Variants in ARHGAP42 observed in about 807,000 individuals in gnomAD.
The protein encoded by ARHGAP42 is rho GTPase-activating protein 42.
Under a neutral mutation model 125.0 loss-of-function variants are expected in ARHGAP42, and 63 were observed. The ratio of observed to expected loss-of-function variants is 0.50; its 90% CI spans 0.41 to 0.62. ARHGAP42 has a LOEUF of 0.62. Ranked by LOEUF, ARHGAP42 falls within the 20% of genes least tolerant of loss-of-function variation. ARHGAP42 has a pLI of 0.00. For missense variants in ARHGAP42, 766 were observed against 1,024.2 expected, an observed-to-expected ratio of 0.75 and a Z score of 3.44; for synonymous variants, 339 against 351.0, an observed-to-expected ratio of 0.97 and a Z score of 0.38.
At chr11:100,766,216 A>T (rs2134981950) in intron 1 of ARHGAP42, among the ~76,000 whole-genome samples, 1 of 121,946 alleles carries the variant, frequency 8.2e-6, no homozygotes, top group East Asian at 2.2e-4. Context: ...AATGGGAAGG[A>T]TGTGGGGTGT....
At chr11:100,744,938 C>T (rs758925811) in intron 1 of ARHGAP42, among the ~76,000 whole-genome samples, 16 of 152,136 alleles carry the variant, frequency 1.1e-4, no homozygotes, top group Non-Finnish European at 2.2e-4. Flanking sequence ...TTATTCCTGG[C>T]GCACGTGGCC....
At chr11:100,755,554 T>A (rs559530981) in intron 1 of ARHGAP42, among the ~76,000 whole-genome samples, 4 of 152,358 alleles carry the variant, frequency 2.6e-5, no homozygotes, top group Non-Finnish European at 5.9e-5. Flanking sequence ...TTCCACTGAT[T>A]GAGCATTTCT....
At chr11:100,971,457 C>T (rs1032666178) in intron 17 of ARHGAP42, among the ~76,000 whole-genome samples, 3 of 152,056 alleles carry the variant, frequency 2.0e-5, no homozygotes, top group Admixed American at 6.6e-5. Context: ...TATCAGCTCC[C>T]TACATGAATT....
intron 3 of ARHGAP42, among the ~76,000 whole-genome samples, chr11:100,802,687 C>T (rs1863887769): frequency 6.6e-6 from 1 of 152,166 alleles, no homozygotes; most frequent in South Asian, 2.1e-4. Context: ...CTCGGTCTCC[C>T]AAAGTGCCGG....
At position 100,837,666 on chromosome 11, in the gene ARHGAP42, C is replaced by CTTTTTTTTTTTTTTTTTTTTTT. The variant is rs373059302; in HGVS notation, c.313-21878_313-21857dup. Among the ~76,000 whole-genome samples the CTTTTTTTTTTTTTTTTTTTTTT allele has an allele frequency of 5.2e-4, 32 of 61,024 alleles. 2 individuals are homozygous for CTTTTTTTTTTTTTTTTTTTTTT. Among genetic ancestry groups the CTTTTTTTTTTTTTTTTTTTTTT allele is most frequent in the Middle Eastern group, 8.9e-3 (1 of 112 alleles). The allele number at this position is 61,024 out of a possible 152,430, so 40.0% of individuals were successfully genotyped here. A position where few individuals can be genotyped will look rare whatever the true frequency, so the allele number is the denominator to read the frequency against. On this transcript the variant is annotated intron_variant, in intron 3 of 23. Transcript: ENST00000298815. ...CAGTTCCCAGAATCTAGGTGTCATC[C>CTTTTTTTTTTTTTTTTTTTTTT]TTTTTTTTTTTTTTTTTTTTTTTTT...
intron 19 of ARHGAP42, 94 bp from the exon 20 acceptor site, chr11:100,975,963 A>T (rs748425993): frequency 9.4e-6 from 13 of 1,378,914 alleles, no homozygotes; most frequent in Admixed American, 8.6e-5. Context: ...TGGCCGCAGA[A>T]CACATGGTAA....
At chr11:100,901,538 G>T (rs1012015106) in intron 4 of ARHGAP42, among the ~76,000 whole-genome samples, 7 of 152,218 alleles carry the variant, frequency 4.6e-5, no homozygotes, top group African/African-American at 1.7e-4. Flanking sequence ...TATGGAGGCA[G>T]TAGACCTTGG....
At chr11:100,808,501 G>C (rs1864057350) in intron 3 of ARHGAP42, among the ~76,000 whole-genome samples, 2 of 150,750 alleles carry the variant, frequency 1.3e-5, no homozygotes, top group South Asian at 4.2e-4. Context: ...CGCTTCCCGG[G>C]TTCACGCCAT....
At chr11:100,751,705 A>G (rs896571643) in intron 1 of ARHGAP42, among the ~76,000 whole-genome samples, 4 of 149,996 alleles carry the variant, frequency 2.7e-5, no homozygotes, top group African/African-American at 9.8e-5. Context: ...CCAGGCCAGC[A>G]GGGAAGTGAT....
At chr11:100,740,551 A>G (rs1862162905) in intron 1 of ARHGAP42, among the ~76,000 whole-genome samples, 1 of 152,246 alleles carries the variant, frequency 6.6e-6, no homozygotes, top group South Asian at 2.1e-4. Context: ...CATTCATGCC[A>G]TGAACATTAG....
chr11:100,950,356 GTATT>G (rs200347941), intron 12 of ARHGAP42, among the ~76,000 whole-genome samples: 13,448 of 147,196 alleles, frequency 0.091, 889 homozygotes, highest in Non-Finnish European at 0.13. Flanking sequence ...TATAAATACT[GTATT>G]TATTTATCTA....
chr11:100,808,469 A>C (rs1864055907), intron 3 of ARHGAP42, among the ~76,000 whole-genome samples: 1 of 142,628 alleles, frequency 7.0e-6, no homozygotes, highest in African/African-American at 2.7e-5. Flanking sequence ...GCAGTGGCGC[A>C]ATCTCGGCTC....
intron 2 of ARHGAP42, among the ~76,000 whole-genome samples, chr11:100,779,461 A>ATATAT (rs1215941883): frequency 7.5e-5 from 6 of 80,446 alleles, no homozygotes; most frequent in South Asian, 5.5e-4. Flanking sequence ...AAAAAAAAAA[A>ATATAT]AAAAAAATAT....
At chr11:100,725,082 G>A (rs916559197) in intron 1 of ARHGAP42, among the ~76,000 whole-genome samples, 3 of 151,534 alleles carry the variant, frequency 2.0e-5, no homozygotes, top group Non-Finnish European at 4.4e-5. Flanking sequence ...ATGTCCTTTT[G>A]AAGTAAGTTA....
At chr11:100,779,800 T>C (rs1023909274) in intron 2 of ARHGAP42, among the ~76,000 whole-genome samples, 17 of 151,348 alleles carry the variant, frequency 1.1e-4, no homozygotes, top group African/African-American at 4.1e-4. Flanking sequence ...CTGAGGCAGG[T>C]GTATTACCTG....
intron 21 of ARHGAP42, among the ~76,000 whole-genome samples, chr11:100,978,503 T>G (rs1468180155): frequency 6.6e-6 from 1 of 152,208 alleles, no homozygotes; most frequent in African/African-American, 2.4e-5. Flanking sequence ...GGCCATATTT[T>G]CAGAGTTTGC....
rs61743609 is a variant in ARHGAP42 at position 100,943,764 on chromosome 11, C to G, written c.939C>G (p.Gly313=). ...TGGTACTCTTCTTGTTTCAGAATGG[C>G]CTTGTTACTAGCTCACCGGAAATGT... ...SEMKSSGKMN[G]LVTSSPEMFK... The change falls in exon 10 of 24, where the codon GGC becomes GGG. Residue 313 remains glycine (G), a synonymous_variant. Transcript: ENST00000298815. 2.5e-3 allele frequency: 3,845 copies of G among 1,546,590 alleles called. 83 individuals carry two copies. In the African/African-American group the frequency reaches 0.048, roughly 19 times the overall value.
chr11:100,949,113 T>G (rs1213876412), intron 11 of ARHGAP42, among the ~76,000 whole-genome samples: 1 of 152,094 alleles, frequency 6.6e-6, no homozygotes, highest in East Asian at 1.9e-4. Flanking sequence ...TAAAGAACAC[T>G]GTTACTAGAT....
intron 1 of ARHGAP42, among the ~76,000 whole-genome samples, chr11:100,700,465 T>C (rs557486101): frequency 1.4e-4 from 22 of 152,336 alleles, no homozygotes; most frequent in African/African-American, 4.3e-4. Context: ...CATTCACCCA[T>C]AGTAGAACTT....
Sources: gnomAD v4.1 joint callset for allele counts (sites outside exome capture counted in the v4.1 genomes callset) on GRCh38, gnomAD v4.1.1 for gene constraint, MANE v1.5 for transcripts, NCBI Gene and HGNC (gene_info 2026-07-23, HGNC 2026-07-21) for gene names.